Variants in PCDHA11 observed in about 807,000 individuals in gnomAD.
The protein encoded by PCDHA11 is protocadherin alpha 11, also known as protocadherin alpha-11.
PCDHA11 carries 61 observed loss-of-function variants against 70.3 expected under a neutral mutation model. That is an observed-to-expected ratio of 0.87 (90% confidence interval 0.71 to 1.07). The LOEUF (loss-of-function observed/expected upper bound fraction) is 1.07. PCDHA11 is among the 50% of genes least tolerant of loss of function. The pLI is 0.00. For synonymous variants in PCDHA11, 633 were observed against 555.1 expected (o/e 1.14, Z -1.97); for missense variants, 1,324 against 1,237.5 (o/e 1.07, Z -1.05).
intron 1 of PCDHA11, among the ~76,000 whole-genome samples, chr5:140,871,958 G>A (rs1251366239): frequency 1.3e-5 from 2 of 152,180 alleles, no homozygotes; most frequent in Non-Finnish European, 2.9e-5. Context: ...CTAAAGGGAG[G>A]AGGTCTTCCT....
At chr5:140,894,505 C>T (rs1054272448) in intron 1 of PCDHA11, among the ~76,000 whole-genome samples, 9 of 151,570 alleles carry the variant, frequency 5.9e-5, no homozygotes, top group Non-Finnish European at 2.9e-5. Context: ...AGGCATTATC[C>T]ATAGTGTTTA....
intron 1 of PCDHA11, among the ~76,000 whole-genome samples, chr5:140,938,751 C>A (rs943916265): frequency 6.6e-6 from 1 of 151,978 alleles, no homozygotes; most frequent in Non-Finnish European, 1.5e-5. Flanking sequence ...TTTTTAAAGG[C>A]ATAGTTATTG....
intron 3 of PCDHA11, among the ~76,000 whole-genome samples, chr5:141,000,764 A>G (rs1371396511): frequency 2.0e-5 from 3 of 151,808 alleles, no homozygotes; most frequent in Non-Finnish European, 4.4e-5. Context: ...AATCTTAGCC[A>G]GGCATAGTGG....
At chr5:140,946,588 A>G (rs2093966025) in intron 1 of PCDHA11, among the ~76,000 whole-genome samples, 1 of 147,134 alleles carries the variant, frequency 6.8e-6, no homozygotes, top group South Asian at 2.1e-4. Context: ...TTCATAGTGG[A>G]TGAATAGATA....
intron 1 of PCDHA11, among the ~76,000 whole-genome samples, chr5:140,878,522 C>A (rs1237264420): frequency 6.6e-6 from 1 of 152,072 alleles, no homozygotes; most frequent in Non-Finnish European, 1.5e-5. Flanking sequence ...AGTTGGTAAC[C>A]AACTGTGGCT....
chr5:140,956,706 G>A (rs1166051458), intron 1 of PCDHA11, among the ~76,000 whole-genome samples: 2 of 152,172 alleles, frequency 1.3e-5, no homozygotes, highest in African/African-American at 4.8e-5. Flanking sequence ...GTTTGGAATA[G>A]CTTCAGAAGA....
rs1554263792 is a variant in PCDHA11 at position 141,012,059 on chromosome 5, C to T, written c.*2122C>T. 1 of 153,718 alleles carries T rather than the reference C, an allele frequency of 6.5e-6. No individual in the cohort carries two copies. The highest frequency in any genetic ancestry group is 1.5e-5 in the Non-Finnish European group (1 of 68,036). The allele number at this position is 153,718 out of a possible 1,614,324, so 9.5% of individuals were successfully genotyped here. A position where few individuals can be genotyped will look rare whatever the true frequency, so the allele number is the denominator to read the frequency against. ...TGCATGGGGTAAAACTTGTTACCAA[C>T]ACATGTGAACCATTGCTACATTGTA... On this transcript the variant is annotated 3_prime_UTR_variant, in exon 4 of 4. Transcript: ENST00000398640.
chr5:140,985,389 C>T (rs1376347712), intron 3 of PCDHA11, among the ~76,000 whole-genome samples: 1 of 152,266 alleles, frequency 6.6e-6, no homozygotes, highest in African/African-American at 2.4e-5. Context: ...AATCCAGTCA[C>T]CCCAACTGTT....
intron 1 of PCDHA11, among the ~76,000 whole-genome samples, chr5:140,880,962 A>G (rs1439455519): frequency 6.6e-6 from 1 of 152,224 alleles, no homozygotes; most frequent in Non-Finnish European, 1.5e-5. Context: ...GATGAGGGTA[A>G]GAGAATACCA....
At chr5:140,884,651 T>C in intron 1 of PCDHA11, 1 of 1,604,404 alleles carries the variant, frequency 6.2e-7, no homozygotes. Context: ...GGACTCAGAA[T>C]GCTTGAAAGA....
chr5:140,971,845 G>A (rs370364575), intron 1 of PCDHA11, among the ~76,000 whole-genome samples: 4 of 152,052 alleles, frequency 2.6e-5, no homozygotes, highest in Admixed American at 6.5e-5. Context: ...CAAGTCATGC[G>A]TTAAATATTT....
chr5:140,987,012 G>A (rs2097222470), intron 3 of PCDHA11, among the ~76,000 whole-genome samples: 1 of 151,994 alleles, frequency 6.6e-6, no homozygotes. Context: ...TCATGAGTTC[G>A]AGACCAGCCT....
At chr5:140,884,128 C>A (rs1554181251) in intron 1 of PCDHA11, 1 of 1,613,308 alleles carries the variant, frequency 6.2e-7, no homozygotes, top group Non-Finnish European at 8.5e-7. Flanking sequence ...GCGCGCGCAT[C>A]CCGTTCCGCG....
intron 3 of PCDHA11, among the ~76,000 whole-genome samples, chr5:141,005,530 C>T (rs920110529): frequency 1.3e-5 from 2 of 151,002 alleles, no homozygotes; most frequent in Non-Finnish European, 3.0e-5. Context: ...GGTGAAACCC[C>T]GTCTCTACTA....
intron 1 of PCDHA11, among the ~76,000 whole-genome samples, chr5:140,946,813 G>T (rs2094033515): frequency 6.6e-6 from 1 of 151,408 alleles, no homozygotes; most frequent in South Asian, 2.1e-4. Flanking sequence ...GTATAACAGT[G>T]ATTACCAGAG....
chr5:140,999,215 C>A (rs1290752092), intron 3 of PCDHA11, among the ~76,000 whole-genome samples: 1 of 152,140 alleles, frequency 6.6e-6, no homozygotes, highest in East Asian at 1.9e-4. Context: ...TCTGGAAGTA[C>A]TACATTTGAG....
chr5:140,927,155 G>A (rs2083907874), intron 1 of PCDHA11: 1 of 1,614,076 alleles, frequency 6.2e-7, no homozygotes, highest in Non-Finnish European at 8.5e-7. Flanking sequence ...CAGCTGTGCA[G>A]GGCCAAAGCT....
At chr5:140,925,124 A>AGGAAGG (rs1554202565) in intron 1 of PCDHA11, among the ~76,000 whole-genome samples, 1 of 151,852 alleles carries the variant, frequency 6.6e-6, no homozygotes, top group South Asian at 2.1e-4. Context: ...GAAGGAAGGA[A>AGGAAGG]AAAAAATTTC....
At chr5:140,966,950 G>A (rs782713044) in intron 1 of PCDHA11, 3 of 1,603,480 alleles carry the variant, frequency 1.9e-6, no homozygotes, top group Non-Finnish European at 2.5e-6. Flanking sequence ...GGGCAACGTG[G>A]CTCGCGCGCT....
Sources: gnomAD v4.1 joint callset for allele counts (sites outside exome capture counted in the v4.1 genomes callset) on GRCh38, gnomAD v4.1.1 for gene constraint, MANE v1.5 for transcripts, NCBI Gene and HGNC (gene_info 2026-07-23, HGNC 2026-07-21) for gene names.